Variants in ANK2 observed in about 807,000 individuals in gnomAD.
ANK2 encodes the protein ankyrin-2.
A neutral mutation model predicts 360.5 loss-of-function variants in ANK2; 83 were observed. That is an observed-to-expected ratio of 0.23 (90% confidence interval 0.19 to 0.28). The LOEUF (loss-of-function observed/expected upper bound fraction) is 0.28. Ranked by LOEUF, ANK2 falls within the 10% of genes least tolerant of loss-of-function variation. The pLI is 1.00. For synonymous variants in ANK2, 1,740 were observed against 1,759.5 expected (o/e 0.99, Z 0.28); for missense variants, 4,201 against 4,795.7 (o/e 0.88, Z 3.66).
chr4:113,018,648 C>A (rs1018041557), intron 2 of ANK2, among the ~76,000 whole-genome samples: 2 of 152,180 alleles, frequency 1.3e-5, no homozygotes, highest in Non-Finnish European at 2.9e-5. Context: ...TGCATGGTTT[C>A]TCCTCCTATC....
At chr4:113,111,031 A>G (rs1012428931) in intron 1 of ANK2, among the ~76,000 whole-genome samples, 7 of 152,246 alleles carry the variant, frequency 4.6e-5, no homozygotes, top group Admixed American at 6.5e-5. Flanking sequence ...TAAAAAGTAC[A>G]GAATAATAGC....
At chr4:112,823,060 C>T (rs528133447) in intron 1 of ANK2, among the ~76,000 whole-genome samples, 5 of 152,202 alleles carry the variant, frequency 3.3e-5, no homozygotes, top group Admixed American at 2.0e-4. Context: ...CTTAAAATAA[C>T]GCACATGTGA....
chr4:112,978,478 A>G (rs886898650), intron 2 of ANK2, among the ~76,000 whole-genome samples: 3 of 152,168 alleles, frequency 2.0e-5, no homozygotes, highest in African/African-American at 7.2e-5. Context: ...AGTAAGGCCC[A>G]GTTTCCCGCT....
At chr4:113,154,340 T>G (rs75929236) in intron 1 of ANK2, among the ~76,000 whole-genome samples, 1,819 of 152,336 alleles carry the variant, frequency 0.012, 36 homozygotes, top group African/African-American at 0.042. Context: ...AGTAAGGTAC[T>G]ATAAGACAAT....
chr4:112,872,422 C>T (rs2073477695), intron 1 of ANK2, among the ~76,000 whole-genome samples: 1 of 152,002 alleles, frequency 6.6e-6, no homozygotes, highest in African/African-American at 2.4e-5. Context: ...ACCACAGCCT[C>T]TGCCTCCTGG....
chr4:113,334,883 C>A (rs1319874774), intron 29 of ANK2, among the ~76,000 whole-genome samples: 1 of 151,178 alleles, frequency 6.6e-6, no homozygotes, highest in African/African-American at 2.4e-5. Flanking sequence ...TTGTGTATGT[C>A]TGGAAATTTT....
intron 1 of ANK2, among the ~76,000 whole-genome samples, chr4:112,888,558 T>A (rs1165577815): frequency 1.3e-5 from 2 of 152,026 alleles, no homozygotes; most frequent in African/African-American, 2.4e-5. Context: ...TTTTTGAAAA[T>A]TTTTAATTTT....
At chr4:112,780,186 CAAA>C in the ANK2 span, among the ~76,000 whole-genome samples, 1 of 130,480 alleles carries the variant, frequency 7.7e-6, no homozygotes. Context: ...GACTCTGTCT[CAAA>C]AAAAAAAAAA....
chr4:112,836,108 ATGTGT>A (rs1560723891), intron 1 of ANK2, among the ~76,000 whole-genome samples: 1 of 152,088 alleles, frequency 6.6e-6, no homozygotes, highest in Non-Finnish European at 1.5e-5. Flanking sequence ...TATAATCCCC[ATGTGT>A]TGAAGGAGGG....
the ANK2 span, among the ~76,000 whole-genome samples, chr4:112,740,183 C>A: frequency 6.6e-6 from 1 of 151,934 alleles, no homozygotes; most frequent in Non-Finnish European, 1.5e-5. Context: ...AGGAAAATGA[C>A]CATTATCAAA....
chr4:112,795,801 ATTTTT>A, the ANK2 span, among the ~76,000 whole-genome samples: 5 of 137,796 alleles, frequency 3.6e-5, no homozygotes, highest in African/African-American at 1.4e-4. Flanking sequence ...TGTGCCCAGC[ATTTTT>A]TTTTTTTTTT....
chr4:113,008,686 G>A (rs908968284), intron 2 of ANK2, among the ~76,000 whole-genome samples: 2 of 152,004 alleles, frequency 1.3e-5, no homozygotes, highest in Non-Finnish European at 2.9e-5. Context: ...ACACAGGGGG[G>A]AAATGGTCAT....
intron 26 of ANK2, among the ~76,000 whole-genome samples, chr4:113,324,819 A>G (rs1473654724): frequency 6.6e-6 from 1 of 152,112 alleles, no homozygotes; most frequent in Non-Finnish European, 1.5e-5. Flanking sequence ...CTGTTCTTTC[A>G]ACTAACTCTG....
At chr4:112,939,412 C>T (rs148222174) in intron 2 of ANK2, among the ~76,000 whole-genome samples, 2,939 of 152,170 alleles carry the variant, frequency 0.019, 61 homozygotes, top group African/African-American at 0.052. Context: ...CTTGTTCAAG[C>T]GATTCTCCTG....
At chr4:113,245,471 CT>C (rs951407573) in intron 9 of ANK2, among the ~76,000 whole-genome samples, 4 of 152,114 alleles carry the variant, frequency 2.6e-5, no homozygotes, top group Admixed American at 2.6e-4. Context: ...CATCAGGAAA[CT>C]TACAATCATG....
intron 1 of ANK2, chr4:113,146,048 T>A: frequency 7.8e-7 from 1 of 1,288,242 alleles, no homozygotes; most frequent in Non-Finnish European, 1.0e-6. Context: ...GATGGTGGCA[T>A]AAGAATCAAC....
intron 1 of ANK2, among the ~76,000 whole-genome samples, chr4:112,822,197 T>A (rs2057260441): frequency 6.8e-6 from 1 of 147,178 alleles, no homozygotes; most frequent in Non-Finnish European, 1.5e-5. Context: ...GGTCAGGAGA[T>A]TGAGACCATC....
intron 2 of ANK2, among the ~76,000 whole-genome samples, chr4:112,918,892 T>A (rs2090704069): frequency 6.6e-6 from 1 of 152,232 alleles, no homozygotes; most frequent in South Asian, 2.1e-4. Flanking sequence ...CATGTTTGCA[T>A]ATGATTATAT....
chr4:112,787,723 G>T, the ANK2 span, among the ~76,000 whole-genome samples: 14,032 of 152,188 alleles, frequency 0.092, 899 homozygotes, highest in African/African-American at 0.18. Context: ...CACTGTCATG[G>T]GTAGGCAGTT....
Sources: allele counts gnomAD v4.1 joint callset (sites outside exome capture counted in the v4.1 genomes callset), GRCh38; gene constraint gnomAD v4.1.1; transcripts MANE v1.5; gene names NCBI Gene and HGNC (gene_info 2026-07-23, HGNC 2026-07-21).